ADGRL3: variants seen among roughly 807,000 people sequenced by gnomAD.
The protein encoded by ADGRL3 is calcium-independent alpha-latrotoxin receptor 3.
Under a neutral mutation model 153.5 loss-of-function variants are expected in ADGRL3, and 62 were observed. The ratio of observed to expected loss-of-function variants is 0.40; its 90% CI spans 0.33 to 0.50. The LOEUF (loss-of-function observed/expected upper bound fraction) is 0.50, where lower values mean the gene tolerates loss of function less well. Among genes scored for constraint, ADGRL3 ranks in the 20% least tolerant of loss-of-function variants. ADGRL3 has a pLI of 0.47. For missense variants in ADGRL3, 1,641 were observed against 1,859.4 expected (o/e 0.88, Z 2.16); for synonymous variants, 710 against 672.5 (o/e 1.06, Z -0.86).
At chr4:61,274,282 A>G (rs1449776449) in intron 1 of ADGRL3, among the ~76,000 whole-genome samples, 2 of 152,230 alleles carry the variant, frequency 1.3e-5, no homozygotes, top group African/African-American at 4.8e-5. Context: ...GATAAATGCT[A>G]ACATTATCAT....
intron 21 of ADGRL3, among the ~76,000 whole-genome samples, chr4:62,003,447 G>A (rs769759200): frequency 1.2e-4 from 19 of 152,074 alleles, no homozygotes; most frequent in Non-Finnish European, 2.4e-4. Flanking sequence ...TTGAATTTCT[G>A]TTCAGTCCTG....
At chr4:61,892,443 T>C (rs1357051023) in intron 9 of ADGRL3, among the ~76,000 whole-genome samples, 4 of 152,126 alleles carry the variant, frequency 2.6e-5, no homozygotes, top group African/African-American at 4.8e-5. Flanking sequence ...TGTTTGGCAG[T>C]GGTCAGATGG....
At chr4:61,619,919 A>C (rs56403636) in intron 5 of ADGRL3, among the ~76,000 whole-genome samples, 6 of 152,198 alleles carry the variant, frequency 3.9e-5, no homozygotes, top group Non-Finnish European at 7.3e-5. Flanking sequence ...TGTAACGGCA[A>C]ATAGTTAAAA....
At chr4:61,658,009 C>T (rs1431350933) in intron 5 of ADGRL3, among the ~76,000 whole-genome samples, 1 of 152,088 alleles carries the variant, frequency 6.6e-6, no homozygotes, top group African/African-American at 2.4e-5. Flanking sequence ...TTACTGTATG[C>T]AAATCAACAC....
At chr4:61,253,069 G>C (rs2091611520) in intron 1 of ADGRL3, among the ~76,000 whole-genome samples, 1 of 152,146 alleles carries the variant, frequency 6.6e-6, no homozygotes. Context: ...AATCATTCAG[G>C]AATCTGGCTG....
At chr4:61,830,161 A>G (rs758864954) in intron 9 of ADGRL3, among the ~76,000 whole-genome samples, 4 of 152,044 alleles carry the variant, frequency 2.6e-5, no homozygotes, top group Admixed American at 6.6e-5. Context: ...CACATGTGCC[A>G]TCATGCCCAG....
intron 1 of ADGRL3, among the ~76,000 whole-genome samples, chr4:61,321,774 G>T (rs1377714296): frequency 6.6e-6 from 1 of 152,146 alleles, no homozygotes; most frequent in Non-Finnish European, 1.5e-5. Context: ...CCAATGTCAT[G>T]CATGTGGTCT....
chr4:61,827,086 C>T (rs1314018099), intron 9 of ADGRL3, among the ~76,000 whole-genome samples: 1 of 152,164 alleles, frequency 6.6e-6, no homozygotes, highest in Non-Finnish European at 1.5e-5. Context: ...ATTCGAATTG[C>T]AGGACTAAAT....
chr4:62,055,770 A>G (rs906438108), intron 25 of ADGRL3, among the ~76,000 whole-genome samples: 1 of 151,724 alleles, frequency 6.6e-6, no homozygotes, highest in Non-Finnish European at 1.5e-5. Context: ...TACTTTCTGT[A>G]GATTGTTTAT....
intron 9 of ADGRL3, among the ~76,000 whole-genome samples, chr4:61,853,181 C>T (rs1212274927): frequency 6.6e-6 from 1 of 152,026 alleles, no homozygotes; most frequent in Non-Finnish European, 1.5e-5. Flanking sequence ...TTTCTGGTGA[C>T]CAGCCCCCAT....
chr4:61,437,454 T>C (rs1261138062), intron 2 of ADGRL3, among the ~76,000 whole-genome samples: 1 of 152,178 alleles, frequency 6.6e-6, no homozygotes, highest in African/African-American at 2.4e-5. Context: ...TCGTTTCTCT[T>C]ACCCCACTCA....
At chr4:61,259,397 T>G (rs562561935) in intron 1 of ADGRL3, among the ~76,000 whole-genome samples, 13 of 151,508 alleles carry the variant, frequency 8.6e-5, no homozygotes, top group Non-Finnish European at 1.6e-4. Context: ...CACTCCAGCC[T>G]GGGCGACAGA....
chr4:61,952,735 G>A (rs1216472732), intron 17 of ADGRL3, among the ~76,000 whole-genome samples: 2 of 152,122 alleles, frequency 1.3e-5, no homozygotes, highest in South Asian at 2.1e-4. Context: ...AATCTGGATT[G>A]TATTACTCTG....
chr4:61,696,059 A>C (rs983416333), intron 6 of ADGRL3, among the ~76,000 whole-genome samples: 4 of 152,124 alleles, frequency 2.6e-5, no homozygotes, highest in Admixed American at 2.6e-4. Context: ...TTTTATCCAA[A>C]CTGCTGAAAC....
intron 1 of ADGRL3, among the ~76,000 whole-genome samples, chr4:61,250,579 T>G (rs1758847407): frequency 6.6e-6 from 1 of 152,228 alleles, no homozygotes. Flanking sequence ...TCTTGAATTC[T>G]AAGAATTGCC....
rs1203029363 is a variant in ADGRL3 at position 62,006,032 on chromosome 4, A to ATATATT, written c.3395+7768_3395+7769insATATTT. On this transcript the variant is annotated intron_variant, in intron 21 of 26. Transcript: ENST00000683033. ...TATATATATATATATATATATATAT[A>ATATATT]TTTTTTTTTTTTTTTGAGAAAGGGT... Among the ~76,000 whole-genome samples, 550 of 72,994 alleles carry ATATATT rather than the reference A, an allele frequency of 7.5e-3. 14 individuals are homozygous for ATATATT. The highest frequency in any genetic ancestry group is 0.011 in the Non-Finnish European group (416 of 37,928). 47.9% of individuals were successfully genotyped at this position (72,994 alleles called of 152,430 possible).
intron 1 of ADGRL3, among the ~76,000 whole-genome samples, chr4:61,268,860 G>C (rs989426119): frequency 6.6e-6 from 1 of 151,364 alleles, no homozygotes; most frequent in Non-Finnish European, 1.5e-5. Flanking sequence ...TTTAAAACTA[G>C]GGACATTTAT....
intron 1 of ADGRL3, among the ~76,000 whole-genome samples, chr4:61,370,492 G>T (rs1312836350): frequency 6.6e-6 from 1 of 152,040 alleles, no homozygotes; most frequent in Non-Finnish European, 1.5e-5. Flanking sequence ...TATGTACCCA[G>T]TAGTCATTCA....
chr4:61,265,593 C>T (rs2092802295), intron 1 of ADGRL3, among the ~76,000 whole-genome samples: 1 of 151,852 alleles, frequency 6.6e-6, no homozygotes, highest in Non-Finnish European at 1.5e-5. Flanking sequence ...AAGAATATAA[C>T]ATCAGGAGTT....
Sources: allele counts gnomAD v4.1 joint callset (sites outside exome capture counted in the v4.1 genomes callset), GRCh38; gene constraint gnomAD v4.1.1; transcripts MANE v1.5; gene names NCBI Gene and HGNC (gene_info 2026-07-23, HGNC 2026-07-21).